ATP10B: variants seen among roughly 807,000 people sequenced by gnomAD.
ATP10B encodes phospholipid-transporting ATPase VB.
ATP10B carries 122 observed loss-of-function variants against 141.2 expected under a neutral mutation model. The observed-to-expected ratio is 0.86, with a 90% CI of 0.75 to 1.00. The LOEUF is 1.00. ATP10B is among the 50% of genes least tolerant of loss of function. The pLI, the probability that ATP10B is intolerant of heterozygous loss-of-function variation, is 0.00. For synonymous variants in ATP10B, 685 were observed against 692.0 expected (o/e 0.99, Z 0.16); for missense variants, 1,876 against 1,825.3 (o/e 1.03, Z -0.51).
the ATP10B span, among the ~76,000 whole-genome samples, chr5:160,920,270 A>T: frequency 6.6e-6 from 1 of 152,198 alleles, no homozygotes; most frequent in South Asian, 2.1e-4. Context: ...CCAAAGTCTG[A>T]TTTTGCCATT....
the ATP10B span, among the ~76,000 whole-genome samples, chr5:160,917,122 A>G: frequency 2.0e-5 from 3 of 152,120 alleles, no homozygotes; most frequent in Non-Finnish European, 4.4e-5. Context: ...TCCAGAGAAC[A>G]TCATGTGAAA....
chr5:160,863,241 G>A, the ATP10B span, among the ~76,000 whole-genome samples: 1 of 151,978 alleles, frequency 6.6e-6, no homozygotes, highest in Middle Eastern at 3.2e-3. Flanking sequence ...CCTGGTAACA[G>A]CCTGTTAATT....
chr5:160,748,324 A>C (rs963174344), intron 2 of ATP10B, among the ~76,000 whole-genome samples: 1 of 152,116 alleles, frequency 6.6e-6, no homozygotes, highest in Non-Finnish European at 1.5e-5. Context: ...GCTCCCTACA[A>C]AGCAAGGTGC....
At chr5:160,813,728 C>A (rs1035290861) in intron 1 of ATP10B, among the ~76,000 whole-genome samples, 1 of 152,166 alleles carries the variant, frequency 6.6e-6, no homozygotes, top group Non-Finnish European at 1.5e-5. Flanking sequence ...CTTGGAAGCA[C>A]CCCCCAGTAG....
At chr5:160,634,273 T>G in intron 12 of ATP10B, 81 bp downstream of exon 12, 1 of 1,588,582 alleles carries the variant, frequency 6.3e-7, no homozygotes, top group Non-Finnish European at 8.6e-7. Flanking sequence ...GCCAGGAGAA[T>G]GTCTTTTATC....
intron 7 of ATP10B, among the ~76,000 whole-genome samples, chr5:160,666,616 T>C (rs1762332667): frequency 6.6e-6 from 1 of 152,200 alleles, no homozygotes. Flanking sequence ...TTCTTGCAAC[T>C]CTCATCAACA....
intron 7 of ATP10B, among the ~76,000 whole-genome samples, chr5:160,654,252 A>G (rs902076722): frequency 6.6e-6 from 1 of 151,778 alleles, no homozygotes; most frequent in East Asian, 1.9e-4. Context: ...GGTGTAAGCC[A>G]TCGTGCCTGG....
At chr5:160,890,297 A>G in the ATP10B span, among the ~76,000 whole-genome samples, 1 of 152,246 alleles carries the variant, frequency 6.6e-6, no homozygotes, top group African/African-American at 2.4e-5. Flanking sequence ...AATTGAAGCT[A>G]AAGTCACATG....
the ATP10B span, among the ~76,000 whole-genome samples, chr5:160,878,719 G>A: frequency 2.0e-5 from 3 of 152,104 alleles, no homozygotes; most frequent in African/African-American, 7.2e-5. Context: ...TCAAAAAGTG[G>A]GCGAAGGACA....
intron 4 of ATP10B, 112 bp from the exon 5 acceptor site, chr5:160,688,206 C>T (rs1191773339): frequency 1.6e-5 from 18 of 1,098,520 alleles, no homozygotes; most frequent in East Asian, 5.2e-5. Flanking sequence ...TTAACCCACA[C>T]TTTGACCTAC....
At chr5:160,838,586 T>C (rs1581633241) in intron 1 of ATP10B, among the ~76,000 whole-genome samples, 4 of 152,226 alleles carry the variant, frequency 2.6e-5, no homozygotes, top group African/African-American at 7.2e-5. Context: ...AATATTTTTC[T>C]TTGGCCTTCA....
At chr5:160,684,493 C>G (rs944773560) in intron 6 of ATP10B, among the ~76,000 whole-genome samples, 2 of 152,210 alleles carry the variant, frequency 1.3e-5, no homozygotes, top group Non-Finnish European at 2.9e-5. Context: ...TACAGTGATG[C>G]CTCTTCCCTC....
At chr5:160,815,138 T>C (rs961057042) in intron 1 of ATP10B, among the ~76,000 whole-genome samples, 4 of 152,098 alleles carry the variant, frequency 2.6e-5, no homozygotes, top group African/African-American at 9.7e-5. Flanking sequence ...CATAACAATA[T>C]TAACCTTAAA....
intron 2 of ATP10B, among the ~76,000 whole-genome samples, chr5:160,736,008 TTATAAC>T (rs1767090922): frequency 1.3e-5 from 2 of 152,122 alleles, no homozygotes; most frequent in Admixed American, 6.5e-5. Flanking sequence ...AGAGGGAAGT[TTATAAC>T]TATAAGTGCC....
chr5:160,796,133 C>A (rs1037164469), intron 1 of ATP10B, among the ~76,000 whole-genome samples: 7 of 152,260 alleles, frequency 4.6e-5, no homozygotes, highest in African/African-American at 1.7e-4. Context: ...ATGGAGGACA[C>A]CCTTATGTAT....
At chr5:160,590,041 G>A (rs1424317913) in intron 23 of ATP10B, among the ~76,000 whole-genome samples, 1 of 152,172 alleles carries the variant, frequency 6.6e-6, no homozygotes, top group Non-Finnish European at 1.5e-5. Flanking sequence ...CAGTGCGGAT[G>A]TGGTACAATT....
intron 24 of ATP10B, among the ~76,000 whole-genome samples, chr5:160,573,155 GC>G (rs1754983417): frequency 6.6e-6 from 1 of 152,204 alleles, no homozygotes; most frequent in Non-Finnish European, 1.5e-5. Context: ...ATTAGGGGGA[GC>G]CCCCATGAAT....
intron 6 of ATP10B, among the ~76,000 whole-genome samples, chr5:160,679,645 C>T (rs1309818331): frequency 6.6e-6 from 1 of 152,190 alleles, no homozygotes; most frequent in East Asian, 1.9e-4. Flanking sequence ...TTCCTCGTGA[C>T]CCCTAGACTG....
intron 7 of ATP10B, 84 bp downstream of exon 7, chr5:160,670,379 A>T (rs1762599218): frequency 7.3e-7 from 1 of 1,362,944 alleles, no homozygotes; most frequent in African/African-American, 1.4e-5. Context: ...CCCTCTACCC[A>T]GTAGGTTTAG....
Sources: allele counts gnomAD v4.1 joint callset (sites outside exome capture counted in the v4.1 genomes callset), GRCh38; gene constraint gnomAD v4.1.1; transcripts MANE v1.5; gene names NCBI Gene and HGNC (gene_info 2026-07-23, HGNC 2026-07-21).